SERPINA6: variants seen among roughly 807,000 people sequenced by gnomAD.
SERPINA6 encodes the protein corticosteroid-binding globulin.
A neutral mutation model predicts 26.4 loss-of-function variants in SERPINA6; 19 were observed. That is an observed-to-expected ratio of 0.72 (90% CI 0.50 to 1.06). The LOEUF (loss-of-function observed/expected upper bound fraction) is 1.06, where lower values mean the gene tolerates loss of function less well. Among genes scored for constraint, SERPINA6 ranks in the 50% least tolerant of loss-of-function variants. SERPINA6 has a pLI of 0.00. For missense variants in SERPINA6, 473 were observed against 504.0 expected (o/e 0.94, Z 0.59); for synonymous variants, 196 against 199.4 (o/e 0.98, Z 0.14).
intron 1 of SERPINA6, among the ~76,000 whole-genome samples, chr14:94,315,719 T>C (rs1895605304): frequency 1.3e-5 from 2 of 152,176 alleles, no homozygotes; most frequent in South Asian, 4.1e-4. Context: ...ACAAAATAGA[T>C]TTTGAATTAA....
intron 1 of SERPINA6, among the ~76,000 whole-genome samples, chr14:94,322,456 G>A (rs1895696631): frequency 6.6e-6 from 1 of 152,162 alleles, no homozygotes; most frequent in Non-Finnish European, 1.5e-5. Context: ...GTTGCAGTGA[G>A]CCGAGATCGC....
chr14:94,320,580 A>G (rs921172147), intron 1 of SERPINA6, among the ~76,000 whole-genome samples: 2 of 152,182 alleles, frequency 1.3e-5, no homozygotes, highest in African/African-American at 2.4e-5. Context: ...TCTTTGCTCA[A>G]ATAAACTCTG....
intron 2 of SERPINA6, among the ~76,000 whole-genome samples, chr14:94,311,864 C>T (rs1895534215): frequency 6.6e-6 from 1 of 152,102 alleles, no homozygotes; most frequent in African/African-American, 2.4e-5. Flanking sequence ...AGGAGAATGG[C>T]ATGAACCCGG....
At chr14:94,309,699 G>A (rs76276140) in intron 3 of SERPINA6, 37 bp downstream of exon 3, 272 of 1,610,972 alleles carry the variant, frequency 1.7e-4, no homozygotes, top group Non-Finnish European at 2.1e-4. Flanking sequence ...GGGGACACGT[G>A]CATTGCAGAA....
At chr14:94,310,056 C>G in intron 2 of SERPINA6, 50 bp from the exon 3 acceptor site, 2 of 1,596,388 alleles carry the variant, frequency 1.3e-6, no homozygotes, top group Non-Finnish European at 1.7e-6. Flanking sequence ...AAACACAGTT[C>G]CAGGTGATCT....
intron 1 of SERPINA6, among the ~76,000 whole-genome samples, chr14:94,321,210 G>T (rs908678169): frequency 6.6e-6 from 1 of 151,988 alleles, no homozygotes; most frequent in Non-Finnish European, 1.5e-5. Context: ...CCCCTACCTC[G>T]TCTCCCTGCC....
rs2228541 is a variant in SERPINA6, at chr14:94,309,884, A to T, written c.736T>A (p.Ser246Thr). Reference protein sequence around the residue: ...QSSTISYLHDSELPCQLVQMN... With the variant: ...QSSTISYLHDTELPCQLVQMN... ...TGCACCAGCTGGCAGGGGAGCTCCG[A>T]GTCATGAAGGTAACTGATGGTGCTC... The change falls in exon 3 of 5, where the codon TCG (serine) becomes ACG (threonine). Residue 246 changes from serine to threonine, a missense_variant. Ser to Thr is a moderately conservative substitution (Grantham distance 58). Transcript: ENST00000341584. The T allele has an allele frequency of 7.4e-6, 12 of 1,613,832 alleles. No homozygotes were observed. Among genetic ancestry groups the T allele is most frequent in the South Asian group, 4.4e-5 (4 of 91,082 alleles).
chr14:94,314,425 G>A lies in SERPINA6; in HGVS notation c.224C>T (p.Ala75Val). 6.2e-7 allele frequency: 1 copy of A among 1,614,204 alleles called. No individual in the cohort carries two copies. The highest frequency in any genetic ancestry group is 8.5e-7 in the Non-Finnish European group (1 of 1,180,034). Reference protein sequence around the residue: ...ISPVSISMALAMLSLGTCGHT... With the variant: ...ISPVSISMALVMLSLGTCGHT... Reference sequence around the variant, plus strand: ...GCCACAGGTGCCCAGGGACAGCATAGCTAAGGCCATGGAGATGCTCACAGG... The same window carrying A: ...GCCACAGGTGCCCAGGGACAGCATAACTAAGGCCATGGAGATGCTCACAGG... The change falls in exon 2 of 5, where the codon GCT (alanine) becomes GTT (valine). Residue 75 changes from alanine (A) to valine (V), a missense_variant. By Grantham distance (64) the Ala-to-Val change is moderately conservative. Transcript: ENST00000341584.
chr14:94,308,383 G>A (rs1191798875), intron 3 of SERPINA6, among the ~76,000 whole-genome samples: 1 of 150,890 alleles, frequency 6.6e-6, no homozygotes, highest in Non-Finnish European at 1.5e-5. Flanking sequence ...GCTTAGCTAG[G>A]GCATGGTACA....
At position 94,309,885 on chromosome 14, in the gene SERPINA6, G is replaced by A. The variant is rs765624279; in HGVS notation, c.735C>T (p.Asp245=). ...GCACCAGCTGGCAGGGGAGCTCCGA[G>A]TCATGAAGGTAACTGATGGTGCTCG... ...LQSSTISYLH[D]SELPCQLVQM... The change falls in exon 3 of 5, where the codon GAC becomes GAT. Residue 245 remains aspartate (D), a synonymous_variant. Transcript: ENST00000341584. 22 of 1,614,026 alleles carry A rather than the reference G, an allele frequency of 1.4e-5. No individual in the cohort carries two copies. The highest frequency in any genetic ancestry group is 4.0e-5 in the African/African-American group (3 of 74,922).
chr14:94,311,462 A>G (rs1895528882), intron 2 of SERPINA6, among the ~76,000 whole-genome samples: 1 of 152,202 alleles, frequency 6.6e-6, no homozygotes, highest in Non-Finnish European at 1.5e-5. Flanking sequence ...GACACAAAAC[A>G]AAATACAAAA....
At chr14:94,321,411 C>T (rs561421898) in intron 1 of SERPINA6, among the ~76,000 whole-genome samples, 1 of 152,166 alleles carries the variant, frequency 6.6e-6, no homozygotes, top group Non-Finnish European at 1.5e-5. Flanking sequence ...CTGCCTCCAG[C>T]CTCAAATCTG....
Position 94,314,395 on chromosome 14 carries a change from G to A in SERPINA6, c.254C>T (p.Thr85Ile), listed in dbSNP as rs751015476. The change falls in exon 2 of 5, where the codon ACA (threonine) becomes ATA (isoleucine). Residue 85 changes from threonine (T) to isoleucine (I), a missense_variant. By Grantham distance (89) the Thr-to-Ile change is moderately conservative. Transcript: ENST00000341584. ...AMLSLGTCGH[T>I]RAQLLQGLGF... The stretch of plus-strand genomic sequence containing the variant: ...CAGGCCCTGGAGAAGCTGGGCCCGT[G>A]TGTGGCCACAGGTGCCCAGGGACAG... The A allele has an allele frequency of 5.0e-6, 8 of 1,614,216 alleles. No homozygotes were observed. Among genetic ancestry groups the A allele is most frequent in the Non-Finnish European group, 6.8e-6 (8 of 1,180,042 alleles).
chr14:94,312,053 C>T (rs1895538908), intron 2 of SERPINA6, among the ~76,000 whole-genome samples: 1 of 152,190 alleles, frequency 6.6e-6, no homozygotes, highest in Non-Finnish European at 1.5e-5. Context: ...TGTTTATTAT[C>T]CTGGCTTGCT....
rs1325858103 is a variant in SERPINA6, at chr14:94,304,519, T to C, written c.1117A>G (p.Lys373Glu). The change falls in exon 5 of 5, where the codon AAG becomes GAG. Residue 373 changes from lysine to glutamate, a missense_variant. Physicochemically the swap from Lys to Glu is moderately conservative, Grantham distance 56 (BLOSUM62 1). Transcript: ENST00000341584. The part of the protein sequence containing the change: ...STGVTLNLTS[K>E]PIILRFNQPF... Reference sequence around the variant, plus strand: ...TGGTTGAAACGCAAGATGATAGGCTTGGACGTCAGGTTTAGGGTGACCCCA... The same window carrying C: ...TGGTTGAAACGCAAGATGATAGGCTCGGACGTCAGGTTTAGGGTGACCCCA... 28 of 1,614,040 alleles carry C rather than the reference T, an allele frequency of 1.7e-5. No individual in the cohort carries two copies. In the Admixed American group the frequency reaches 4.7e-4, roughly 27 times the overall value.
intron 1 of SERPINA6, among the ~76,000 whole-genome samples, chr14:94,320,734 C>G (rs558518938): frequency 6.6e-6 from 1 of 152,094 alleles, no homozygotes. Context: ...GGAACTCCCC[C>G]GCAAAACCCT....
At chr14:94,320,207 C>A (rs1956178) in intron 1 of SERPINA6, among the ~76,000 whole-genome samples, 24,566 of 152,072 alleles carry the variant, frequency 0.16, 2,748 homozygotes, top group East Asian at 0.46. Context: ...GCTGGGAACC[C>A]TCATTTAAAC....
chr14:94,304,379 C>T lies in SERPINA6; in HGVS notation c.*39G>A, dbSNP rs1056609012. On this transcript the variant is annotated 3_prime_UTR_variant, in exon 5 of 5. Coordinates refer to ENST00000341584, the MANE Select transcript of SERPINA6 (RefSeq NM_001756.4). ...ACATTTCTGTGGGATCCCTGGTTCC[C>T]AAAGTCAGACAGTGCTGAGGCTCTG... 8.1e-6 allele frequency: 13 copies of T among 1,605,626 alleles called. No homozygotes were observed. Among genetic ancestry groups the T allele is most frequent in the East Asian group, 2.2e-5 (1 of 44,866 alleles).
intron 1 of SERPINA6, among the ~76,000 whole-genome samples, chr14:94,321,003 T>C (rs550170419): frequency 6.6e-6 from 1 of 152,136 alleles, no homozygotes; most frequent in African/African-American, 2.4e-5. Flanking sequence ...TCGTGGCAGA[T>C]CAAGCTGGAT....
Sources: gnomAD v4.1 joint callset for allele counts (sites outside exome capture counted in the v4.1 genomes callset) on GRCh38, gnomAD v4.1.1 for gene constraint, MANE v1.5 for transcripts, NCBI Gene and HGNC (gene_info 2026-07-23, HGNC 2026-07-21) for gene names.